Variants in SHISA6 observed in about 807,000 individuals in gnomAD.
SHISA6 encodes shisa family member 6.
In SHISA6, 22 loss-of-function variants were observed where a neutral mutation model predicts 47.9. The observed-to-expected ratio is 0.46, with a 90% CI of 0.33 to 0.66. The LOEUF (loss-of-function observed/expected upper bound fraction) is 0.66. SHISA6 is among the 30% of genes least tolerant of loss of function. SHISA6 has a pLI of 0.02. For missense variants in SHISA6, 680 were observed against 764.6 expected, an observed-to-expected ratio of 0.89 and a Z score of 1.30; for synonymous variants, 388 against 337.8, an observed-to-expected ratio of 1.15 and a Z score of -1.63.
chr17:11,284,105 C>A (rs776776664), intron 2 of SHISA6, among the ~76,000 whole-genome samples: 1 of 152,034 alleles, frequency 6.6e-6, no homozygotes, highest in Non-Finnish European at 1.5e-5. Context: ...TGTACAAACA[C>A]GTAGGCATGC....
intron 3 of SHISA6, among the ~76,000 whole-genome samples, chr17:11,532,487 G>A (rs376650302): frequency 4.2e-4 from 64 of 152,056 alleles, no homozygotes; most frequent in African/African-American, 1.5e-3. Context: ...GCGCGCGCGT[G>A]TGTGTGTGTG....
At chr17:11,508,147 G>A (rs1474867056) in intron 3 of SHISA6, among the ~76,000 whole-genome samples, 1 of 152,238 alleles carries the variant, frequency 6.6e-6, no homozygotes, top group African/African-American at 2.4e-5. Flanking sequence ...GGAAGTCAAG[G>A]TCTGATTCAA....
chr17:11,455,958 A>G (rs17699467), intron 3 of SHISA6, among the ~76,000 whole-genome samples: 17,731 of 152,158 alleles, frequency 0.12, 1,306 homozygotes, highest in Middle Eastern at 0.23. Context: ...TTGAGGTTTG[A>G]CCGTAGATGT....
intron 3 of SHISA6, among the ~76,000 whole-genome samples, chr17:11,428,613 G>C (rs1430943759): frequency 1.3e-5 from 2 of 152,070 alleles, no homozygotes; most frequent in East Asian, 3.9e-4. Flanking sequence ...TTCAAAACTT[G>C]GTGGCTTAAA....
intron 3 of SHISA6, among the ~76,000 whole-genome samples, chr17:11,405,048 GA>G (rs1354072378): frequency 2.0e-5 from 3 of 152,042 alleles, no homozygotes; most frequent in Non-Finnish European, 2.9e-5. Context: ...AGTAGTTTCT[GA>G]CCCCAGTTGC....
chr17:11,544,355 A>G (rs2071863234), intron 3 of SHISA6, among the ~76,000 whole-genome samples: 1 of 152,228 alleles, frequency 6.6e-6, no homozygotes, highest in Non-Finnish European at 1.5e-5. Context: ...AATAATTCTC[A>G]AAACAGGAAA....
At chr17:11,386,993 C>T (rs1011536926) in intron 3 of SHISA6, among the ~76,000 whole-genome samples, 1 of 152,174 alleles carries the variant, frequency 6.6e-6, no homozygotes, top group Non-Finnish European at 1.5e-5. Flanking sequence ...AGTCTGGCTT[C>T]AAAGCATTTT....
At chr17:11,323,674 ATAAT>A (rs1567572909) in intron 2 of SHISA6, among the ~76,000 whole-genome samples, 1 of 116,514 alleles carries the variant, frequency 8.6e-6, no homozygotes, top group Non-Finnish European at 1.9e-5. Context: ...AAATAAAATA[ATAAT>A]AATAATAATA....
chr17:11,534,933 T>G (rs1304568739), intron 3 of SHISA6, among the ~76,000 whole-genome samples: 1 of 151,802 alleles, frequency 6.6e-6, no homozygotes, highest in East Asian at 1.9e-4. Context: ...ATTGAGACCA[T>G]CCTGGCCAAC....
intron 2 of SHISA6, among the ~76,000 whole-genome samples, chr17:11,313,831 G>T (rs1471002188): frequency 6.6e-6 from 1 of 152,146 alleles, no homozygotes; most frequent in Non-Finnish European, 1.5e-5. Flanking sequence ...GAGGAGAGAT[G>T]AGTAAGATGA....
chr17:11,318,511 C>G (rs1367977573), intron 2 of SHISA6, among the ~76,000 whole-genome samples: 1 of 152,150 alleles, frequency 6.6e-6, no homozygotes, highest in Non-Finnish European at 1.5e-5. Context: ...AGCCTGTCCC[C>G]TGCTTCCCTG....
intron 2 of SHISA6, among the ~76,000 whole-genome samples, chr17:11,299,056 C>T (rs1230288860): frequency 6.6e-6 from 1 of 152,182 alleles, no homozygotes; most frequent in Non-Finnish European, 1.5e-5. Flanking sequence ...CCTTCCATGA[C>T]CAAGAATGGT....
At chr17:11,477,887 C>T (rs1916095720) in intron 3 of SHISA6, among the ~76,000 whole-genome samples, 1 of 149,060 alleles carries the variant, frequency 6.7e-6, no homozygotes, top group Non-Finnish European at 1.5e-5. Flanking sequence ...CATACGTGTG[C>T]GTGTGTCTTT....
intron 3 of SHISA6, among the ~76,000 whole-genome samples, chr17:11,408,830 G>A (rs187555355): frequency 2.6e-5 from 4 of 152,276 alleles, no homozygotes; most frequent in South Asian, 2.1e-4. Context: ...CCTTATTGAC[G>A]TGATGATATT....
At chr17:11,477,264 A>G (rs1231515237) in intron 3 of SHISA6, among the ~76,000 whole-genome samples, 2 of 152,134 alleles carry the variant, frequency 1.3e-5, no homozygotes, top group African/African-American at 4.8e-5. Context: ...GTACAAAGCA[A>G]TTACTGATAT....
At chr17:11,272,975 G>T (rs992745629) in intron 2 of SHISA6, among the ~76,000 whole-genome samples, 3 of 152,194 alleles carry the variant, frequency 2.0e-5, no homozygotes, top group Non-Finnish European at 2.9e-5. Context: ...AGACACTCGT[G>T]CCCCTGGCCT....
intron 1 of SHISA6, among the ~76,000 whole-genome samples, chr17:11,248,668 C>T (rs923434032): frequency 1.1e-4 from 17 of 152,236 alleles, no homozygotes; most frequent in South Asian, 6.2e-4. Flanking sequence ...CGATCTTCCC[C>T]GCTCCTTTTG....
At chr17:11,420,888 T>A (rs1914434695) in intron 3 of SHISA6, among the ~76,000 whole-genome samples, 2 of 152,202 alleles carry the variant, frequency 1.3e-5, no homozygotes, top group African/African-American at 4.8e-5. Flanking sequence ...CCAGCTTCCA[T>A]AGCAGGAGGT....
intron 2 of SHISA6, among the ~76,000 whole-genome samples, chr17:11,350,185 T>TTTA (rs1555529940): frequency 8.4e-6 from 1 of 118,484 alleles, no homozygotes; most frequent in Non-Finnish European, 1.8e-5. Context: ...TTTATTTATT[T>TTTA]TTTTTTTTTT....
Sources: gnomAD v4.1 joint callset for allele counts (sites outside exome capture counted in the v4.1 genomes callset) on GRCh38, gnomAD v4.1.1 for gene constraint, MANE v1.5 for transcripts, NCBI Gene and HGNC (gene_info 2026-07-23, HGNC 2026-07-21) for gene names.